STX5: variants seen among roughly 807,000 people sequenced by gnomAD.
STX5 encodes syntaxin-5.
Under a neutral mutation model 42.9 loss-of-function variants are expected in STX5, and 15 were observed. The ratio of observed to expected loss-of-function variants is 0.35; its 90% confidence interval spans 0.23 to 0.54. STX5 has a LOEUF of 0.54. Among genes scored for constraint, STX5 ranks in the 20% least tolerant of loss-of-function variants. STX5 has a pLI of 0.91. For missense variants in STX5, 430 were observed against 455.0 expected, an observed-to-expected ratio of 0.95 and a Z score of 0.50; for synonymous variants, 184 against 173.2, an observed-to-expected ratio of 1.06 and a Z score of -0.49.
chr11:62,807,742 TA>T, intron 10 of STX5, 114 bp from the exon 11 acceptor site: 1 of 1,486,926 alleles, frequency 6.7e-7, no homozygotes, highest in Non-Finnish European at 9.0e-7. Context: ...CATTCTTATA[TA>T]TATTTGTGTA....
chr11:62,807,731 C>A, intron 10 of STX5, 103 bp from the exon 11 acceptor site: 1 of 1,521,070 alleles, frequency 6.6e-7, no homozygotes, highest in Non-Finnish European at 8.9e-7. Flanking sequence ...CAATATGATC[C>A]CATTCTTATA....
chr11:62,828,796 G>GT (rs1475328926), intron 2 of STX5, among the ~76,000 whole-genome samples: 1 of 151,628 alleles, frequency 6.6e-6, no homozygotes, highest in Non-Finnish European at 1.5e-5. Context: ...GCCAGGTGCA[G>GT]TGGCTCACAC....
chr11:62,807,796 G>T, intron 10 of STX5, 168 bp from the exon 11 acceptor site: 1 of 1,286,220 alleles, frequency 7.8e-7, no homozygotes, highest in Non-Finnish European at 1.0e-6. Context: ...GTTATTTCTG[G>T]TTTGAAAACC....
intron 5 of STX5, 101 bp downstream of exon 5, chr11:62,827,054 A>T: frequency 8.7e-7 from 1 of 1,151,194 alleles, no homozygotes. Context: ...CCCTCTCTAA[A>T]AAAAGAAACT....
chr11:62,819,220 G>GAAAAAAAAAAAA (rs57390432), intron 10 of STX5, among the ~76,000 whole-genome samples: 3 of 29,600 alleles, frequency 1.0e-4, no homozygotes, highest in East Asian at 2.9e-3. Flanking sequence ...GACTCTGTCT[G>GAAAAAAAAAAAA]AAAAAAAAAA....
At chr11:62,812,953 A>G (rs2084634712) in intron 10 of STX5, among the ~76,000 whole-genome samples, 1 of 151,790 alleles carries the variant, frequency 6.6e-6, no homozygotes, top group African/African-American at 2.4e-5. Flanking sequence ...CTCTACTAAA[A>G]ATACAAAAAT....
chr11:62,818,245 CAA>C (rs71056566), intron 10 of STX5, among the ~76,000 whole-genome samples: 8 of 74,918 alleles, frequency 1.1e-4, no homozygotes, highest in Admixed American at 6.8e-4. Flanking sequence ...AACTCCATCT[CAA>C]AAAAAAAAAA....
At chr11:62,823,905 T>C (rs1248607684) in intron 10 of STX5, 2 of 484,256 alleles carry the variant, frequency 4.1e-6, no homozygotes, top group Non-Finnish European at 7.5e-6. Context: ...TTCCATACAC[T>C]TACACATGCT....
At chr11:62,807,750 T>C in intron 10 of STX5, 122 bp from the exon 11 acceptor site, 1 of 1,479,700 alleles carries the variant, frequency 6.8e-7, no homozygotes, top group Non-Finnish European at 9.0e-7. Context: ...TATATATTTG[T>C]GTATAGAAAA....
chr11:62,807,322 G>C lies in STX5; in HGVS notation c.*147C>G. 1 of 1,285,754 alleles carries C rather than the reference G, an allele frequency of 7.8e-7. No individual in the cohort carries two copies. The allele number at this position is 1,285,754 out of a possible 1,614,324, so 79.6% of individuals were successfully genotyped here. On this transcript the variant is annotated 3_prime_UTR_variant, in exon 11 of 11. Coordinates refer to ENST00000294179, the MANE Select transcript of STX5 (RefSeq NM_003164.5). ...AGGGTGGCCAGAGGCAAGGGGTGGG[G>C]GATCAGGGGCAGTGGTCATTCTTAG...
At chr11:62,812,061 G>T (rs2084622522) in intron 10 of STX5, among the ~76,000 whole-genome samples, 1 of 145,904 alleles carries the variant, frequency 6.9e-6, no homozygotes, top group African/African-American at 2.5e-5. Flanking sequence ...ATTGAGGAAA[G>T]AACTCAAATA....
chr11:62,822,350 A>G (rs2084749168), intron 10 of STX5, among the ~76,000 whole-genome samples: 1 of 151,746 alleles, frequency 6.6e-6, no homozygotes, highest in Admixed American at 6.5e-5. Context: ...GCGACACAGC[A>G]AGGCTCTGTC....
chr11:62,809,269 C>CA (rs2084588849), intron 10 of STX5, among the ~76,000 whole-genome samples: 1 of 130,146 alleles, frequency 7.7e-6, no homozygotes, highest in Non-Finnish European at 1.6e-5. Context: ...GCCTGGGTGA[C>CA]AGAGCGAGAC....
intron 10 of STX5, among the ~76,000 whole-genome samples, chr11:62,818,621 G>A (rs2084702236): frequency 6.6e-6 from 1 of 150,436 alleles, no homozygotes; most frequent in African/African-American, 2.5e-5. Context: ...GGAGGTCAAG[G>A]TGGGAAGATT....
intron 10 of STX5, among the ~76,000 whole-genome samples, chr11:62,812,673 C>G (rs993618547): frequency 6.6e-6 from 1 of 151,124 alleles, no homozygotes; most frequent in Non-Finnish European, 1.5e-5. Context: ...TCGCCTGTCT[C>G]GCCTCCCAAA....
intron 1 of STX5, among the ~76,000 whole-genome samples, 166 bp downstream of exon 1, chr11:62,831,788 A>T (rs79429455): frequency 0.073 from 10,878 of 148,990 alleles, 433 homozygotes; most frequent in East Asian, 0.15. Context: ...CTCTCTCAAC[A>T]GAGGCTTTCC....
At chr11:62,813,146 T>C (rs2084636976) in intron 10 of STX5, among the ~76,000 whole-genome samples, 1 of 146,988 alleles carries the variant, frequency 6.8e-6, no homozygotes, top group Non-Finnish European at 1.5e-5. Context: ...TGGTGGTGCA[T>C]GCCTGTAATC....
At chr11:62,827,296 C>T in intron 4 of STX5, 47 bp downstream of exon 4, 3 of 1,614,096 alleles carry the variant, frequency 1.9e-6, no homozygotes, top group Middle Eastern at 1.6e-4. Flanking sequence ...GTCCTCAACC[C>T]TCTTTGATTT....
At position 62,831,939 on chromosome 11, in the gene STX5, TA is replaced by T. The variant is rs1484872018; in HGVS notation, c.-20+14del. ...CTGACACGGCGGCCAGATCCCCTCTTAAAGCGAATCTTACCTCCCCTCTGCC... is the reference window on the plus strand; with the variant it reads ...CTGACACGGCGGCCAGATCCCCTCTTAAGCGAATCTTACCTCCCCTCTGCC... On this transcript the variant is annotated intron_variant, in intron 1 of 10. Coordinates refer to ENST00000294179, the MANE Select transcript of STX5 (RefSeq NM_003164.5). The T allele has an allele frequency of 8.7e-6, 4 of 457,680 alleles. No homozygotes were observed. The East Asian group carries it at 2.8e-4, about 32-fold the overall frequency. 28.4% of individuals were successfully genotyped at this position (457,680 alleles called of 1,614,324 possible).
Sources: gnomAD v4.1 joint callset for allele counts (sites outside exome capture counted in the v4.1 genomes callset) on GRCh38, gnomAD v4.1.1 for gene constraint, MANE v1.5 for transcripts, NCBI Gene and HGNC (gene_info 2026-07-23, HGNC 2026-07-21) for gene names.